GALNTL6: variants seen among roughly 807,000 people sequenced by gnomAD.
GALNTL6 encodes polypeptide N-acetylgalactosaminyltransferase-like 6.
A neutral mutation model predicts 73.7 loss-of-function variants in GALNTL6; 46 were observed. The observed-to-expected ratio is 0.62, with a 90% CI of 0.49 to 0.80. The LOEUF (loss-of-function observed/expected upper bound fraction) is 0.80, where lower values mean the gene tolerates loss of function less well. GALNTL6 is among the 30% of genes least tolerant of loss of function. GALNTL6 has a pLI of 0.00. For missense variants in GALNTL6, 604 were observed against 755.0 expected (o/e 0.80, Z 2.34); for synonymous variants, 259 against 263.7 (o/e 0.98, Z 0.17).
At chr4:172,818,406 G>A (rs1182080732) in intron 7 of GALNTL6, among the ~76,000 whole-genome samples, 1 of 152,156 alleles carries the variant, frequency 6.6e-6, no homozygotes, top group Non-Finnish European at 1.5e-5. Flanking sequence ...TGCACTGCCA[G>A]TCTTCCTCAG....
chr4:172,381,034 A>G (rs1171959129), intron 5 of GALNTL6, among the ~76,000 whole-genome samples: 3 of 152,234 alleles, frequency 2.0e-5, no homozygotes, highest in African/African-American at 4.8e-5. Flanking sequence ...GCTGCCCTCT[A>G]TCAGGCAAGC....
chr4:171,849,462 C>T (rs1019268564), intron 2 of GALNTL6, among the ~76,000 whole-genome samples: 2 of 152,118 alleles, frequency 1.3e-5, no homozygotes, highest in African/African-American at 4.8e-5. Context: ...TTTTCATGGA[C>T]AGTATAAATG....
intron 2 of GALNTL6, among the ~76,000 whole-genome samples, chr4:172,085,342 A>C (rs539136671): frequency 6.6e-6 from 1 of 152,286 alleles, no homozygotes; most frequent in East Asian, 1.9e-4. Flanking sequence ...GGAGCAATGA[A>C]AATGGCTGGG....
At chr4:172,406,700 T>C (rs1335480140) in intron 5 of GALNTL6, among the ~76,000 whole-genome samples, 3 of 152,048 alleles carry the variant, frequency 2.0e-5, no homozygotes, top group Non-Finnish European at 4.4e-5. Context: ...TTTCTGAGTT[T>C]ACTAGGCTAA....
chr4:172,053,803 T>A (rs1257767044), intron 2 of GALNTL6, among the ~76,000 whole-genome samples: 1 of 152,166 alleles, frequency 6.6e-6, no homozygotes, highest in African/African-American at 2.4e-5. Context: ...CATGGACCTT[T>A]TTTTTACATG....
chr4:172,032,557 T>A (rs1268183892), intron 2 of GALNTL6, among the ~76,000 whole-genome samples: 2 of 152,054 alleles, frequency 1.3e-5, no homozygotes, highest in Admixed American at 6.6e-5. Flanking sequence ...CACACAAAAT[T>A]TGTCTGTATA....
chr4:172,953,405 T>C (rs1281442840), intron 10 of GALNTL6, among the ~76,000 whole-genome samples: 1 of 152,232 alleles, frequency 6.6e-6, no homozygotes, highest in African/African-American at 2.4e-5. Flanking sequence ...GTCCCACTTC[T>C]CCAGCCTTTC....
At chr4:172,100,915 G>T (rs1216869928) in intron 2 of GALNTL6, among the ~76,000 whole-genome samples, 1 of 152,118 alleles carries the variant, frequency 6.6e-6, no homozygotes, top group East Asian at 1.9e-4. Flanking sequence ...GCAATTAGAA[G>T]ATTCATTAAA....
At chr4:172,985,790 T>C (rs1433644425) in intron 10 of GALNTL6, among the ~76,000 whole-genome samples, 1 of 152,200 alleles carries the variant, frequency 6.6e-6, no homozygotes, top group Non-Finnish European at 1.5e-5. Flanking sequence ...CACCTGATCT[T>C]CAGAATTCAG....
intron 8 of GALNTL6, among the ~76,000 whole-genome samples, chr4:172,922,843 A>G (rs1360823369): frequency 6.6e-6 from 1 of 152,242 alleles, no homozygotes. Context: ...GATGCTAAGC[A>G]AATCATACAG....
At chr4:171,999,143 C>T (rs1266893313) in intron 2 of GALNTL6, among the ~76,000 whole-genome samples, 1 of 152,082 alleles carries the variant, frequency 6.6e-6, no homozygotes, top group Non-Finnish European at 1.5e-5. Context: ...AGCCTGATTC[C>T]TATGTTATTT....
chr4:172,353,725 A>T (rs1561041778), intron 5 of GALNTL6, among the ~76,000 whole-genome samples: 1 of 151,876 alleles, frequency 6.6e-6, no homozygotes, highest in South Asian at 2.1e-4. Context: ...TTATATATAT[A>T]TATGTGTATA....
At chr4:172,950,139 T>C (rs1277408271) in intron 9 of GALNTL6, among the ~76,000 whole-genome samples, 1 of 152,158 alleles carries the variant, frequency 6.6e-6, no homozygotes, top group Non-Finnish European at 1.5e-5. Context: ...TCCTTTCTGG[T>C]CCCCAAATGA....
Position 172,809,514 on chromosome 4 carries a change from A to G in GALNTL6, c.707A>G (p.Glu236Gly), listed in dbSNP as rs1201659620. ...EVLTFLDSHCEVNVNWLPPLL... is the reference protein window; with the variant it reads ...EVLTFLDSHCGVNVNWLPPLL... Reference sequence around the variant, plus strand: ...CTGACATTCCTGGACTCCCACTGCGAGGTCAATGTGAACTGGCTGCCCCCA... The same window carrying G: ...CTGACATTCCTGGACTCCCACTGCGGGGTCAATGTGAACTGGCTGCCCCCA... Residue 236 changes from glutamate to glycine, a missense_variant, in exon 6 of 13, where the codon GAG becomes GGG. Around this residue, in one of 5 missense-constraint regions of GALNTL6, gnomAD observed 179 missense variants for 230.8 expected, o/e 0.78. Transcript: ENST00000506823. This position sits in a 1 kb window ranked among gnomAD's most constrained non-coding sequence, Gnocchi z 4.4. 1 of 1,613,396 alleles carries G rather than the reference A, an allele frequency of 6.2e-7. No individual in the cohort carries two copies. The highest frequency in any genetic ancestry group is 1.7e-5 in the Admixed American group (1 of 59,928).
At chr4:171,976,758 G>A (rs1240323032) in intron 2 of GALNTL6, among the ~76,000 whole-genome samples, 1 of 152,164 alleles carries the variant, frequency 6.6e-6, no homozygotes, top group East Asian at 1.9e-4. Flanking sequence ...CCCATGTGAT[G>A]TGGACCATGA....
At chr4:172,787,017 T>A (rs1310896887) in intron 5 of GALNTL6, among the ~76,000 whole-genome samples, 1 of 152,204 alleles carries the variant, frequency 6.6e-6, no homozygotes, top group Non-Finnish European at 1.5e-5. Context: ...CCACAAGGAC[T>A]TTCTATTCTA....
chr4:172,748,253 G>A (rs1038644456), intron 5 of GALNTL6, among the ~76,000 whole-genome samples: 2 of 152,078 alleles, frequency 1.3e-5, no homozygotes, highest in Non-Finnish European at 2.9e-5. Context: ...GGCACAGGGC[G>A]GGACCTAACC....
intron 5 of GALNTL6, among the ~76,000 whole-genome samples, chr4:172,725,032 G>T (rs1160156024): frequency 6.6e-6 from 1 of 151,952 alleles, no homozygotes; most frequent in African/African-American, 2.4e-5. Context: ...AATTTTCTGG[G>T]TTTTTTTCAA....
chr4:172,264,656 G>A (rs1453344599), intron 3 of GALNTL6, among the ~76,000 whole-genome samples: 1 of 144,316 alleles, frequency 6.9e-6, no homozygotes, highest in Non-Finnish European at 1.5e-5. Flanking sequence ...ACGTATAAGT[G>A]TGTATGTATG....
Sources: allele counts gnomAD v4.1 joint callset (sites outside exome capture counted in the v4.1 genomes callset), GRCh38; gene constraint gnomAD v4.1.1; regional missense constraint gnomAD v4.1.1; non-coding constraint Gnocchi (gnomAD v3.1); transcripts MANE v1.5; gene names NCBI Gene and HGNC (gene_info 2026-07-23, HGNC 2026-07-21).